PTPRD: variants seen among roughly 807,000 people sequenced by gnomAD.
PTPRD encodes receptor-type tyrosine-protein phosphatase delta.
Under a neutral mutation model 214.5 loss-of-function variants are expected in PTPRD, and 34 were observed. The observed-to-expected ratio is 0.16, with a 90% CI of 0.12 to 0.21. The LOEUF (loss-of-function observed/expected upper bound fraction) is 0.21. Ranked by LOEUF, PTPRD falls within the 10% of genes least tolerant of loss-of-function variation. The probability of loss-of-function intolerance (pLI) is 1.00; values close to 1 mark genes in which losing one functional copy is unlikely to be tolerated. For missense variants in PTPRD, 2,545 were observed against 2,398.7 expected, an observed-to-expected ratio of 1.06 and a Z score of -1.27; for synonymous variants, 1,128 against 845.7, an observed-to-expected ratio of 1.33 and a Z score of -5.79.
chr9:8,324,967 G>A (rs1025948703), intron 44 of PTPRD, among the ~76,000 whole-genome samples: 3 of 149,652 alleles, frequency 2.0e-5, no homozygotes, highest in Admixed American at 2.0e-4. Flanking sequence ...CTGTAAATTT[G>A]TTTAAGTTCT....
chr9:8,559,048 T>A (rs1480249102), intron 14 of PTPRD, among the ~76,000 whole-genome samples: 16 of 152,222 alleles, frequency 1.1e-4, no homozygotes, highest in African/African-American at 3.4e-4. Context: ...AACTGAAGTT[T>A]TACTTGTTTC....
chr9:8,541,684 TTG>T (rs1002381982), intron 14 of PTPRD, among the ~76,000 whole-genome samples: 1 of 151,964 alleles, frequency 6.6e-6, no homozygotes, highest in African/African-American at 2.4e-5. Context: ...TTGTTTGTGT[TTG>T]TGTGTGTGTA....
intron 24 of PTPRD, 85 bp from the exon 25 acceptor site, chr9:8,499,925 TTC>T: frequency 8.2e-7 from 1 of 1,221,352 alleles, no homozygotes; most frequent in Non-Finnish European, 1.1e-6. Context: ...TTACTTAGGT[TTC>T]TCTTTCAAAA....
At chr9:9,820,891 C>CG (rs2153572346) in intron 5 of PTPRD, among the ~76,000 whole-genome samples, 1 of 152,152 alleles carries the variant, frequency 6.6e-6, no homozygotes, top group African/African-American at 2.4e-5. Context: ...TATGGACTTG[C>CG]AGCATAGTTT....
At chr9:9,012,031 T>A (rs2099513900) in intron 11 of PTPRD, among the ~76,000 whole-genome samples, 1 of 152,164 alleles carries the variant, frequency 6.6e-6, no homozygotes, top group African/African-American at 2.4e-5. Flanking sequence ...ATAGGAAGTG[T>A]CCCTTTCCCT....
chr9:8,982,307 C>T (rs1046210205), intron 11 of PTPRD, among the ~76,000 whole-genome samples: 85 of 151,916 alleles, frequency 5.6e-4, no homozygotes, highest in African/African-American at 2.1e-3. Context: ...AAAGACCATG[C>T]GTTAGCTTCT....
chr9:10,383,541 C>A (rs2097858625), intron 2 of PTPRD, among the ~76,000 whole-genome samples: 2 of 151,818 alleles, frequency 1.3e-5, no homozygotes, highest in South Asian at 4.1e-4. Flanking sequence ...ATTCAGTTGA[C>A]ATCTTCAGCT....
At chr9:9,042,614 C>CTTTCTTTTTTT (rs2099643631) in intron 10 of PTPRD, among the ~76,000 whole-genome samples, 1 of 112,476 alleles carries the variant, frequency 8.9e-6, no homozygotes, top group South Asian at 2.9e-4. Context: ...TCTTTTTTTT[C>CTTTCTTTTTTT]TTTTCTTTTT....
intron 12 of PTPRD, among the ~76,000 whole-genome samples, chr9:8,688,706 A>G (rs2154379545): frequency 6.6e-6 from 1 of 152,354 alleles, no homozygotes; most frequent in African/African-American, 2.4e-5. Flanking sequence ...ACAGGCCATA[A>G]TAACCCTTGC....
intron 8 of PTPRD, among the ~76,000 whole-genome samples, chr9:9,517,009 G>A (rs990632518): frequency 5.9e-5 from 9 of 152,076 alleles, no homozygotes; most frequent in Admixed American, 2.6e-4. Flanking sequence ...AATAAATGCT[G>A]TAACTTGAAA....
intron 3 of PTPRD, among the ~76,000 whole-genome samples, chr9:10,131,291 G>A (rs1466291562): frequency 1.3e-5 from 2 of 152,132 alleles, no homozygotes; most frequent in African/African-American, 4.8e-5. Flanking sequence ...TTAGACACTA[G>A]ATACCATAGT....
intron 7 of PTPRD, among the ~76,000 whole-genome samples, chr9:9,578,150 C>T (rs617286): frequency 0.36 from 54,888 of 150,938 alleles, 10,500 homozygotes; most frequent in African/African-American, 0.46. Flanking sequence ...TTAAGCCAAG[C>T]AGGCAAACCA....
At chr9:9,326,962 AG>A (rs1436818926) in intron 9 of PTPRD, among the ~76,000 whole-genome samples, 2 of 152,126 alleles carry the variant, frequency 1.3e-5, no homozygotes, top group Non-Finnish European at 2.9e-5. Context: ...AGTCACTATT[AG>A]GTTGGGAGCA....
chr9:9,747,796 A>AC (rs1319298278), intron 6 of PTPRD, among the ~76,000 whole-genome samples: 1 of 151,982 alleles, frequency 6.6e-6, no homozygotes, highest in Non-Finnish European at 1.5e-5. Context: ...CAGGTGATCT[A>AC]CCTGCCTCGG....
At position 8,993,542 on chromosome 9, in the gene PTPRD, T is replaced by C. The variant is rs550114659; in HGVS notation, c.-104+25155A>G. 1.4e-4 allele frequency among the ~76,000 whole-genome samples: 22 copies of C among 152,278 alleles called. No homozygotes were observed. The East Asian group carries it at 4.1e-3, about 28-fold the overall frequency. ...AGTCTGAGCAATATGAGCCATATGA[T>C]CAAATGACTAATAGAATGCAATGAT... On this transcript the variant is annotated intron_variant, in intron 11 of 45. Coordinates refer to ENST00000381196, the MANE Select transcript of PTPRD (RefSeq NM_002839.4).
intron 4 of PTPRD, among the ~76,000 whole-genome samples, chr9:10,011,370 T>G (rs1363473008): frequency 1.3e-5 from 2 of 151,976 alleles, no homozygotes; most frequent in East Asian, 3.9e-4. Context: ...TAAAGAGATA[T>G]CAAGAAGCTG....
chr9:8,915,762 T>C (rs532022050), intron 11 of PTPRD, among the ~76,000 whole-genome samples: 1 of 152,192 alleles, frequency 6.6e-6, no homozygotes, highest in African/African-American at 2.4e-5. Context: ...TGAGAAAGGG[T>C]CTACTTAGGC....
chr9:10,215,380 C>T (rs766228284), intron 3 of PTPRD, among the ~76,000 whole-genome samples: 1 of 151,590 alleles, frequency 6.6e-6, no homozygotes, highest in East Asian at 1.9e-4. Flanking sequence ...AAAGAAGAAA[C>T]AAAGATAGGT....
intron 3 of PTPRD, among the ~76,000 whole-genome samples, chr9:10,152,667 A>C (rs1484893776): frequency 6.6e-6 from 1 of 152,108 alleles, no homozygotes; most frequent in Non-Finnish European, 1.5e-5. Context: ...CTCTACTAAA[A>C]ATACAAAATT....
Sources: gnomAD v4.1 joint callset for allele counts (sites outside exome capture counted in the v4.1 genomes callset) on GRCh38, gnomAD v4.1.1 for gene constraint, MANE v1.5 for transcripts, NCBI Gene and HGNC (gene_info 2026-07-23, HGNC 2026-07-21) for gene names.